The following TMPRSS4 variants were observed in gnomAD, a reference collection of about 807,000 sequenced individuals.
TMPRSS4 encodes transmembrane protease serine 4.
A neutral mutation model predicts 56.4 loss-of-function variants in TMPRSS4; 45 were observed. The observed-to-expected ratio is 0.80, with a 90% CI of 0.63 to 1.02. The LOEUF is 1.02. TMPRSS4 is among the 50% of genes least tolerant of loss of function. The probability of loss-of-function intolerance (pLI) is 0.00; values close to 1 mark genes in which losing one functional copy is unlikely to be tolerated. For synonymous variants in TMPRSS4, 205 were observed against 211.0 expected, an observed-to-expected ratio of 0.97 and a Z score of 0.25; for missense variants, 546 against 556.7, an observed-to-expected ratio of 0.98 and a Z score of 0.19.
rs1282941450 is a variant in TMPRSS4 at position 118,108,871 on chromosome 11, C to T, written c.558C>T (p.Gly186=). ...MRNSSGPCLS[G]SLVSLHCLAC... ...TGTCTTCCAGGCCCTGTCTCTCAGG[C>T]TCCCTGGTCTCCCTGCACTGTCTTG... Residue 186 remains glycine, a synonymous_variant, in exon 7 of 13, where the codon GGC becomes GGT. Coordinates refer to ENST00000437212, the MANE Select transcript of TMPRSS4 (RefSeq NM_019894.4). 6.2e-7 allele frequency: 1 copy of T among 1,614,024 alleles called. No individual in the cohort carries two copies. The highest frequency in any genetic ancestry group is 8.5e-7 in the Non-Finnish European group (1 of 1,180,014).
rs544153597 is a variant in TMPRSS4 at position 118,095,084 on chromosome 11, C to A, written c.43+229C>A. On this transcript the variant is annotated intron_variant, in intron 2 of 12. Transcript: ENST00000437212. ...ACAGGACCAACAAACCTAAAATCCC[C>A]AAAGCAATGATTCTCCAATTCATTC... 17 of 573,154 alleles carry A rather than the reference C, an allele frequency of 3.0e-5. No homozygotes were observed. The Admixed American group carries it at 5.0e-4, about 17-fold the overall frequency. The allele number at this position is 573,154 out of a possible 1,614,324, so 35.5% of individuals were successfully genotyped here.
At chr11:118,093,652 T>C (rs1489972161) in intron 1 of TMPRSS4, among the ~76,000 whole-genome samples, 1 of 152,208 alleles carries the variant, frequency 6.6e-6, no homozygotes, top group Non-Finnish European at 1.5e-5. Context: ...CTCTCAGAAA[T>C]ATCATAATGT....
intron 2 of TMPRSS4, 27 bp downstream of exon 2, chr11:118,094,882 T>A: frequency 6.2e-7 from 1 of 1,608,380 alleles, no homozygotes; most frequent in South Asian, 1.1e-5. Flanking sequence ...CTTTCATTCG[T>A]CCACCTTAGC....
Position 118,108,011 on chromosome 11 carries a change from G to A in TMPRSS4, c.542+136G>A, listed in dbSNP as rs1315126134. 2.1e-5 allele frequency: 14 copies of A among 662,680 alleles called. No individual in the cohort carries two copies. The South Asian group carries it at 2.4e-4, about 12-fold the overall frequency. 41.0% of individuals were successfully genotyped at this position (662,680 alleles called of 1,614,324 possible). ...CATCAGGAAGAACTCCTAGCCAGAT[G>A]GATCATTCAATGCCAAGAGCTATAG... On this transcript the variant is annotated intron_variant, in intron 6 of 12. Coordinates refer to ENST00000437212, the MANE Select transcript of TMPRSS4 (RefSeq NM_019894.4).
intron 2 of TMPRSS4, 99 bp from the exon 3 acceptor site, chr11:118,098,886 C>A: frequency 1.1e-6 from 1 of 905,932 alleles, no homozygotes. Flanking sequence ...TCAAGGCATA[C>A]CTGTCACCGG....
rs1382813282 is a variant in TMPRSS4 at position 118,113,374 on chromosome 11, C to T, written c.849C>T (p.Pro283=). ...VAKIIIIEFN[P]MYPKDNDIAL... ...AGATCATCATCATTGAATTCAACCC[C>T]ATGTACCCCAAAGACAATGACATCG... The change falls in exon 9 of 13, where the codon CCC becomes CCT. Residue 283 remains proline (P), a synonymous_variant. Transcript: ENST00000437212. The T allele has an allele frequency of 1.1e-5, 18 of 1,614,190 alleles. No individual in the cohort carries two copies. The highest frequency in any genetic ancestry group is 2.2e-5 in the South Asian group (2 of 91,080).
chr11:118,095,751 G>A (rs760415491), intron 2 of TMPRSS4, among the ~76,000 whole-genome samples: 2 of 152,218 alleles, frequency 1.3e-5, no homozygotes, highest in Non-Finnish European at 2.9e-5. Flanking sequence ...CTCAGAGAAA[G>A]AGGCCAAATT....
chr11:118,106,657 A>C (rs12286981), intron 5 of TMPRSS4: 1 of 151,974 alleles, frequency 6.6e-6, no homozygotes, highest in Non-Finnish European at 1.5e-5. Flanking sequence ...GCTAATTTTT[A>C]TATTTTTGTA....
chr11:118,114,105 T>A (rs138274954), intron 9 of TMPRSS4, among the ~76,000 whole-genome samples: 59 of 152,368 alleles, frequency 3.9e-4, no homozygotes, highest in African/African-American at 1.1e-3. Flanking sequence ...CTACATTTTT[T>A]AAATTTATTT....
chr11:118,077,754 GT>G (rs1004239341), intron 1 of TMPRSS4, among the ~76,000 whole-genome samples: 7 of 151,782 alleles, frequency 4.6e-5, no homozygotes, highest in Non-Finnish European at 1.0e-4. Flanking sequence ...GCTCACGCCT[GT>G]AGTCCCAGCA....
At position 118,080,747 on chromosome 11, in the gene TMPRSS4, C is replaced by T. The variant is rs912001424; in HGVS notation, c.3+3442C>T. Among the ~76,000 whole-genome samples, 5 of 152,194 alleles carry T rather than the reference C, an allele frequency of 3.3e-5. No homozygotes were observed. In the East Asian group the frequency reaches 5.8e-4, roughly 18 times the overall value. On this transcript the variant is annotated intron_variant, in intron 1 of 12. Coordinates refer to ENST00000437212, the MANE Select transcript of TMPRSS4 (RefSeq NM_019894.4). ...ACCCAAAACAGAGCTGGGGAACTGCCGACAAGCTTCCCAAAGCCCCAGAAA... is the reference window on the plus strand; with the variant it reads ...ACCCAAAACAGAGCTGGGGAACTGCTGACAAGCTTCCCAAAGCCCCAGAAA...
intron 1 of TMPRSS4, chr11:118,088,357 G>A (rs1945726438): frequency 6.6e-6 from 1 of 151,652 alleles, no homozygotes; most frequent in African/African-American, 2.4e-5. Context: ...ATAACTAATG[G>A]TTCTGCCTCC....
At chr11:118,115,056 G>A (rs1565440989) in intron 10 of TMPRSS4, 82 bp from the exon 11 acceptor site, 1 of 1,561,910 alleles carries the variant, frequency 6.4e-7, no homozygotes, top group Non-Finnish European at 8.7e-7. Flanking sequence ...CAAGGCGCCA[G>A]GCAGAAAGCA....
chr11:118,085,226 CT>C (rs67063759), intron 1 of TMPRSS4, among the ~76,000 whole-genome samples: 46,388 of 141,616 alleles, frequency 0.33, 7,948 homozygotes, highest in Non-Finnish European at 0.41. Context: ...TCTTCTTCTT[CT>C]TTTTTTTTTT....
At chr11:118,116,555 C>T (rs1399410495) in intron 11 of TMPRSS4, among the ~76,000 whole-genome samples, 2 of 152,016 alleles carry the variant, frequency 1.3e-5, no homozygotes, top group Non-Finnish European at 2.9e-5. Context: ...TGTTCACTGT[C>T]TCTCACCCCA....
chr11:118,118,489 G>A lies in TMPRSS4; in HGVS notation c.*576G>A. The stretch of plus-strand genomic sequence containing the variant: ...AGCTGGAATGCTTGATAAGAACTGA[G>A]CTGGGATGATTGAACTTTCATTCTT... On this transcript the variant is annotated 3_prime_UTR_variant, in exon 13 of 13. Transcript: ENST00000437212. 2 of 985,810 alleles carry A rather than the reference G, an allele frequency of 2.0e-6. No individual in the cohort carries two copies. The highest frequency in any genetic ancestry group is 2.4e-6 in the Non-Finnish European group (2 of 830,230). The allele number at this position is 985,810 out of a possible 1,614,324, so 61.1% of individuals were successfully genotyped here.
chr11:118,114,600 G>C (rs142866634), intron 9 of TMPRSS4, among the ~76,000 whole-genome samples: 1 of 152,112 alleles, frequency 6.6e-6, no homozygotes, highest in Non-Finnish European at 1.5e-5. Context: ...ATATTGGCTT[G>C]GTGTCTGAGA....
At position 118,121,638 on chromosome 11, in the gene TMPRSS4, C is replaced by G. The variant is rs1364547050; in HGVS notation, c.*3725C>G. The G allele has an allele frequency of 2.0e-5, 3 of 152,180 alleles. No individual in the cohort carries two copies. Among genetic ancestry groups the G allele is most frequent in the East Asian group, 1.9e-4 (1 of 5,192 alleles). 9.4% of individuals were successfully genotyped at this position (152,180 alleles called of 1,614,324 possible). A position where few individuals can be genotyped will look rare whatever the true frequency, so the allele number is the denominator to read the frequency against. ...CCTCCCAAAGTGCTGGGATTACAGGCGTGTCTACATATTATTAAAATAACA... is the reference window on the plus strand; with the variant it reads ...CCTCCCAAAGTGCTGGGATTACAGGGGTGTCTACATATTATTAAAATAACA... On this transcript the variant is annotated 3_prime_UTR_variant, in exon 13 of 13. Transcript: ENST00000437212.
chr11:118,108,754 GTA>G, intron 6 of TMPRSS4, 100 bp from the exon 7 acceptor site: 1 of 1,131,444 alleles, frequency 8.8e-7, no homozygotes, highest in Non-Finnish European at 1.3e-6. Context: ...CATTCCCGAG[GTA>G]TTGGGAGGGG....
Sources: gnomAD v4.1 joint callset for allele counts (sites outside exome capture counted in the v4.1 genomes callset) on GRCh38, gnomAD v4.1.1 for gene constraint, MANE v1.5 for transcripts, NCBI Gene and HGNC (gene_info 2026-07-23, HGNC 2026-07-21) for gene names.